The following COL25A1 variants were observed in gnomAD, a reference collection of about 807,000 sequenced individuals.
The protein encoded by COL25A1 is collagen type XXV alpha 1 chain.
COL25A1 carries 103 observed loss-of-function variants against 128.4 expected under a neutral mutation model. The observed-to-expected ratio is 0.80, with a 90% CI of 0.68 to 0.94. The LOEUF (loss-of-function observed/expected upper bound fraction) is 0.94. Among genes scored for constraint, COL25A1 ranks in the 40% least tolerant of loss-of-function variants. COL25A1 has a pLI of 0.00. For missense variants in COL25A1, 745 were observed against 840.0 expected (o/e 0.89, Z 1.40); for synonymous variants, 279 against 277.2 (o/e 1.01, Z -0.06).
chr4:109,147,700 C>G (rs900714640), intron 3 of COL25A1, among the ~76,000 whole-genome samples: 1 of 151,744 alleles, frequency 6.6e-6, no homozygotes, highest in Non-Finnish European at 1.5e-5. Context: ...ACCTGTAGTC[C>G]CGGCTACTCA....
At chr4:109,057,333 T>C (rs60039019) in intron 3 of COL25A1, among the ~76,000 whole-genome samples, 15,016 of 151,032 alleles carry the variant, frequency 0.099, 773 homozygotes, top group Middle Eastern at 0.11. Context: ...AGTGGTGTGA[T>C]CTCAGCTCAC....
At chr4:109,211,439 T>C (rs1777554001) in intron 3 of COL25A1, among the ~76,000 whole-genome samples, 1 of 117,130 alleles carries the variant, frequency 8.5e-6, no homozygotes, top group South Asian at 2.6e-4. Flanking sequence ...AGCTGTTCAC[T>C]CTGAGCCTTC....
At chr4:108,956,200 AGGTG>A (rs1750055069) in intron 8 of COL25A1, among the ~76,000 whole-genome samples, 1 of 152,194 alleles carries the variant, frequency 6.6e-6, no homozygotes, top group Admixed American at 6.5e-5. Context: ...GGTTATTAGT[AGGTG>A]GATGCACTTA....
chr4:109,001,398 G>T, intron 6 of COL25A1, among the ~76,000 whole-genome samples: 1 of 152,406 alleles, frequency 6.6e-6, no homozygotes, highest in Non-Finnish European at 1.5e-5. Flanking sequence ...TGTCAGGTAG[G>T]CATCTGAGAT....
intron 22 of COL25A1, among the ~76,000 whole-genome samples, chr4:108,861,559 C>T (rs547428170): frequency 3.2e-4 from 48 of 152,272 alleles, no homozygotes; most frequent in African/African-American, 1.1e-3. Context: ...AGGTTGGCAG[C>T]GCTGAAGGTC....
chr4:109,091,375 T>G (rs1764883993), intron 3 of COL25A1, among the ~76,000 whole-genome samples: 1 of 152,212 alleles, frequency 6.6e-6, no homozygotes, highest in Non-Finnish European at 1.5e-5. Flanking sequence ...TACCAAGTCT[T>G]TCTCAGTCCA....
intron 3 of COL25A1, among the ~76,000 whole-genome samples, chr4:109,232,012 GTCA>G (rs1779195811): frequency 6.6e-6 from 1 of 152,122 alleles, no homozygotes; most frequent in African/African-American, 2.4e-5. Flanking sequence ...AAATTCTGAA[GTCA>G]TCATTTCAAT....
chr4:109,217,724 G>C (rs1295603907), intron 3 of COL25A1, among the ~76,000 whole-genome samples: 1 of 152,070 alleles, frequency 6.6e-6, no homozygotes, highest in Non-Finnish European at 1.5e-5. Context: ...AAATGGTGTA[G>C]TATTTTGCAT....
intron 3 of COL25A1, among the ~76,000 whole-genome samples, chr4:109,192,778 T>G (rs1173049446): frequency 6.6e-6 from 1 of 151,722 alleles, no homozygotes; most frequent in African/African-American, 2.4e-5. Context: ...GGCATGAACC[T>G]GGGATCCAGA....
At chr4:108,903,401 G>A (rs968297183) in intron 13 of COL25A1, among the ~76,000 whole-genome samples, 2 of 151,758 alleles carry the variant, frequency 1.3e-5, no homozygotes, top group East Asian at 3.9e-4. Flanking sequence ...ATCTTTATAC[G>A]CACATTTGTT....
chr4:108,832,858 G>A (rs987488132), intron 31 of COL25A1, among the ~76,000 whole-genome samples: 1 of 151,844 alleles, frequency 6.6e-6, no homozygotes, highest in Admixed American at 6.6e-5. Flanking sequence ...AAAATTAGCT[G>A]GGCATGGTGA....
chr4:109,294,466 G>A (rs1724781248), intron 3 of COL25A1, among the ~76,000 whole-genome samples: 1 of 152,046 alleles, frequency 6.6e-6, no homozygotes, highest in Non-Finnish European at 1.5e-5. Flanking sequence ...AAATGAAGCA[G>A]TAACTATCCA....
chr4:108,938,952 AC>A (rs1472942550), intron 10 of COL25A1, among the ~76,000 whole-genome samples: 2 of 152,246 alleles, frequency 1.3e-5, no homozygotes, highest in African/African-American at 4.8e-5. Flanking sequence ...AAATTTTAAA[AC>A]AAGTTAATTT....
At chr4:108,950,118 TC>T (rs1749239550) in intron 8 of COL25A1, among the ~76,000 whole-genome samples, 1 of 152,138 alleles carries the variant, frequency 6.6e-6, no homozygotes, top group African/African-American at 2.4e-5. Context: ...CACTCCTGCA[TC>T]AAGCTCTTAG....
At chr4:108,923,372 G>T (rs886191362) in intron 11 of COL25A1, among the ~76,000 whole-genome samples, 10 of 152,036 alleles carry the variant, frequency 6.6e-5, no homozygotes, top group African/African-American at 2.4e-4. Context: ...TTGAGACAGG[G>T]TCTCACTCTG....
intron 3 of COL25A1, among the ~76,000 whole-genome samples, chr4:109,092,374 A>T (rs1356172181): frequency 1.3e-5 from 2 of 152,118 alleles, no homozygotes; most frequent in Admixed American, 1.3e-4. Context: ...AGTCCCAGCT[A>T]CCTGGGAGGC....
At chr4:109,288,787 C>T (rs753441383) in intron 3 of COL25A1, among the ~76,000 whole-genome samples, 6 of 151,936 alleles carry the variant, frequency 3.9e-5, no homozygotes, top group Non-Finnish European at 7.4e-5. Context: ...TTAGCACCAC[C>T]GCATGGGCCT....
Position 108,900,262 on chromosome 4 carries a change from GAGA to G in COL25A1, c.834+854_834+856del, listed in dbSNP as rs1742679805. 3.9e-5 allele frequency among the ~76,000 whole-genome samples: 6 copies of G among 152,274 alleles called. 1 individual carries two copies. In the South Asian group the frequency reaches 1.0e-3, roughly 26 times the overall value. ...TGGCTTTTTAGCATGGAGAAAGAGA[GAGA>G]AGAAGACAGGAAAACAGCTAGAGTC... On this transcript the variant is annotated intron_variant, in intron 14 of 37. Transcript: ENST00000399132.
At chr4:109,224,194 A>G (rs945542644) in intron 3 of COL25A1, among the ~76,000 whole-genome samples, 1 of 152,222 alleles carries the variant, frequency 6.6e-6, no homozygotes, top group Non-Finnish European at 1.5e-5. Context: ...CATTGTGTTT[A>G]AAAAGAAGAA....
Sources: allele counts gnomAD v4.1 joint callset (sites outside exome capture counted in the v4.1 genomes callset), GRCh38; gene constraint gnomAD v4.1.1; transcripts MANE v1.5; gene names NCBI Gene and HGNC (gene_info 2026-07-23, HGNC 2026-07-21).